MXD3: variants seen among roughly 807,000 people sequenced by gnomAD.
MXD3 encodes the protein MAX dimerization protein 3.
Under a neutral mutation model 27.5 loss-of-function variants are expected in MXD3, and 20 were observed. The observed-to-expected ratio is 0.73, with a 90% CI of 0.51 to 1.06. The LOEUF is 1.06. MXD3 is among the 50% of genes least tolerant of loss of function. The probability of loss-of-function intolerance (pLI) is 0.00; values close to 1 mark genes in which losing one functional copy is unlikely to be tolerated. For missense variants in MXD3, 298 were observed against 291.3 expected (o/e 1.02, Z -0.17); for synonymous variants, 150 against 130.7 (o/e 1.15, Z -1.01).
In MXD3 at chr5:177,307,767, C is replaced by CTCGGGGCACTCACCTTGGTCTGAG; in HGVS notation, c.495_505+13dup. 1.5e-5 allele frequency: 25 copies of CTCGGGGCACTCACCTTGGTCTGAG among 1,613,138 alleles called. No homozygotes were observed. The highest frequency in any genetic ancestry group is 2.1e-5 in the Non-Finnish European group (25 of 1,179,770). On this transcript the variant is annotated intron_variant, in intron 5 of 5. Transcript: ENST00000439742. Reference sequence around the variant, plus strand: ...CCCGAGGGCCACACAACCCCTCAGCCTCGGGGCACTCACCTTGGTCTGAGT... The same window carrying CTCGGGGCACTCACCTTGGTCTGAG: ...CCCGAGGGCCACACAACCCCTCAGCCTCGGGGCACTCACCTTGGTCTGAGTCGGGGCACTCACCTTGGTCTGAGT...
intron 4 of MXD3, 47 bp downstream of exon 4, chr5:177,310,379 C>A (rs374444887): frequency 6.7e-7 from 1 of 1,502,228 alleles, no homozygotes; most frequent in South Asian, 1.2e-5. Context: ...TAGCACAGCC[C>A]TCCATACACC....
At chr5:177,305,613 G>T, downstream of MXD3, 1 of 493,912 alleles carries the variant, frequency 2.0e-6, no homozygotes, top group Non-Finnish European at 3.7e-6. Flanking sequence ...GGAGCAGGAT[G>T]GGCTGGAAGG....
chr5:177,308,063 T>C, intron 4 of MXD3, 99 bp from the exon 5 acceptor site: 2 of 1,162,796 alleles, frequency 1.7e-6, no homozygotes, highest in Non-Finnish European at 2.4e-6. Context: ...ACAGGGCCAA[T>C]GCCCACTCCG....
chr5:177,308,969 CAAG>C (rs1212024228), intron 4 of MXD3, among the ~76,000 whole-genome samples: 1 of 152,168 alleles, frequency 6.6e-6, no homozygotes, highest in Non-Finnish European at 1.5e-5. Context: ...GGTCATTCAA[CAAG>C]AAGGGGAGAA....
chr5:177,310,300 C>T lies in MXD3; in HGVS notation c.321+126G>A. 27 of 664,408 alleles carry T rather than the reference C, an allele frequency of 4.1e-5. No homozygotes were observed. The South Asian group carries it at 5.2e-4, about 13-fold the overall frequency. 41.2% of individuals were successfully genotyped at this position (664,408 alleles called of 1,614,324 possible). A position where few individuals can be genotyped will look rare whatever the true frequency, so the allele number is the denominator to read the frequency against. ...ATCTGGAAAGTAAAAGCTCAGAGAG[C>T]TGTCCTAAGTCACACAGTTCTTGAG... On this transcript the variant is annotated intron_variant, in intron 4 of 5. Transcript: ENST00000439742.
rs866699857 is a variant in MXD3, at chr5:177,311,406, TG to T, written c.148del (p.Gln50ArgfsTer24). ...CCCGCTGTCCTGCGCGCCAGGAGCCTGGGGGGGTCGCTTCTTCCTCCTGTGG... is the reference window on the plus strand; with the variant it reads ...CCCGCTGTCCTGCGCGCCAGGAGCCTGGGGGGTCGCTTCTTCCTCCTGTGG... ...PIHRRKKRPP[Q>X]APGAQDSGRS... On this transcript the variant is annotated frameshift_variant, in exon 2 of 6. Coordinates refer to ENST00000439742, the MANE Select transcript of MXD3 (RefSeq NM_031300.4). LOFTEE classifies it high-confidence loss of function. 26 of 1,411,488 alleles carry T rather than the reference TG, an allele frequency of 1.8e-5. No individual in the cohort carries two copies. Among genetic ancestry groups the T allele is most frequent in the South Asian group, 7.7e-5 (5 of 65,010 alleles). The allele number at this position is 1,411,488 out of a possible 1,614,324, so 87.4% of individuals were successfully genotyped here. A position where few individuals can be genotyped will look rare whatever the true frequency, so the allele number is the denominator to read the frequency against.
chr5:177,307,669 A>G lies in MXD3; in HGVS notation c.540T>C (p.Phe180=), dbSNP rs746344165. ...CCCGCAGCAGCTCGGCCTCACCCCCAAACACCAGGCTCTCCACATCCACCT... is the reference window on the plus strand; with the variant it reads ...CCCGCAGCAGCTCGGCCTCACCCCCGAACACCAGGCTCTCCACATCCACCT... ...ELEVDVESLV[F]GGEAELLRGF... Residue 180 remains phenylalanine (F), a synonymous_variant, in exon 6 of 6, where the codon TTT becomes TTC. Transcript: ENST00000439742. 6.8e-6 allele frequency: 11 copies of G among 1,613,542 alleles called. No individual in the cohort carries two copies. Among genetic ancestry groups the G allele is most frequent in the Non-Finnish European group, 9.3e-6 (11 of 1,179,900 alleles).
upstream of MXD3, chr5:177,312,418 C>T (rs892379219): frequency 2.0e-6 from 2 of 984,860 alleles, no homozygotes; most frequent in East Asian, 2.3e-4. Context: ...CCGCCCTCTC[C>T]CGCCGCTGAT....
At chr5:177,305,850 T>G, downstream of MXD3, 1 of 1,597,380 alleles carries the variant, frequency 6.3e-7, no homozygotes, top group Non-Finnish European at 8.6e-7. Flanking sequence ...TGTTCCACGA[T>G]TGTGGTTGGC....
At chr5:177,305,974 G>T, downstream of MXD3, 1 of 1,613,968 alleles carries the variant, frequency 6.2e-7, no homozygotes, top group Non-Finnish European at 8.5e-7. Context: ...GGTGTCTCCA[G>T]AGCTGTCCAG....
downstream of MXD3, chr5:177,306,876 C>A (rs1760892999): frequency 1.4e-6 from 1 of 730,134 alleles, no homozygotes; most frequent in Non-Finnish European, 2.2e-6. Flanking sequence ...AAGGGCAGGG[C>A]TTTTGGTTTT....
chr5:177,306,338 A>T (rs781678379), downstream of MXD3: 2 of 1,600,260 alleles, frequency 1.2e-6, no homozygotes, highest in South Asian at 2.2e-5. Context: ...AGCCTGGCCC[A>T]GAGGAGATTG....
chr5:177,311,332 G>A (rs905538072), intron 2 of MXD3, 47 bp downstream of exon 2: 79 of 1,294,920 alleles, frequency 6.1e-5, no homozygotes, highest in Non-Finnish European at 7.8e-5. Context: ...CCGACCAGGG[G>A]CGGCGCCCAC....
chr5:177,310,121 TTAGTC>T (rs1473397854), intron 4 of MXD3, among the ~76,000 whole-genome samples: 7 of 152,160 alleles, frequency 4.6e-5, no homozygotes, highest in African/African-American at 1.7e-4. Context: ...GGAGGGAAGG[TTAGTC>T]CAGACAGGCT....
intron 4 of MXD3, among the ~76,000 whole-genome samples, chr5:177,308,371 G>GT (rs528324588): frequency 1.0e-3 from 152 of 151,578 alleles, no homozygotes; most frequent in Non-Finnish European, 1.5e-3. Context: ...CGTTTCTTTT[G>GT]TTTTTTGTTT....
chr5:177,311,113 G>A, intron 2 of MXD3: 1 of 536,510 alleles, frequency 1.9e-6, no homozygotes, highest in South Asian at 2.7e-5. Context: ...GGCCTGATGT[G>A]TGGGGTGCGG....
chr5:177,311,215 G>T (rs1166163420), intron 2 of MXD3, 164 bp downstream of exon 2: 1 of 527,482 alleles, frequency 1.9e-6, no homozygotes, highest in African/African-American at 2.0e-5. Context: ...GAATAGAAAG[G>T]TGTGAGTGTG....
rs1050290527 is a variant in MXD3, at chr5:177,308,041, C to G, written c.322-77G>C. Reference sequence around the variant, plus strand: ...GCTGCACCCCAGCACCACTCAGTACCGGGCCACGGCCACAGGGCCAATGCC... The same window carrying G: ...GCTGCACCCCAGCACCACTCAGTACGGGGCCACGGCCACAGGGCCAATGCC... On this transcript the variant is annotated intron_variant, in intron 4 of 5. Transcript: ENST00000439742. 10 of 1,353,406 alleles carry G rather than the reference C, an allele frequency of 7.4e-6. No individual in the cohort carries two copies. In the East Asian group the frequency reaches 1.3e-4, roughly 17 times the overall value. The allele number at this position is 1,353,406 out of a possible 1,614,324, so 83.8% of individuals were successfully genotyped here. A position where few individuals can be genotyped will look rare whatever the true frequency, so the allele number is the denominator to read the frequency against.
At chr5:177,305,645 G>C (rs535023971), downstream of MXD3, 2 of 556,844 alleles carry the variant, frequency 3.6e-6, no homozygotes, top group East Asian at 3.1e-5. Flanking sequence ...TCTCAAGAGA[G>C]AGACCTTTTG....
Sources: allele counts gnomAD v4.1 joint callset (sites outside exome capture counted in the v4.1 genomes callset), GRCh38; gene constraint gnomAD v4.1.1; transcripts MANE v1.5; gene names NCBI Gene and HGNC (gene_info 2026-07-23, HGNC 2026-07-21).